The following DNAH2 variants were observed in gnomAD, a reference collection of about 807,000 sequenced individuals.
DNAH2 encodes axonemal beta dynein heavy chain 2.
A neutral mutation model predicts 523.5 loss-of-function variants in DNAH2; 323 were observed. The observed-to-expected ratio is 0.62, with a 90% confidence interval of 0.56 to 0.68. DNAH2 has a LOEUF of 0.68. Ranked by LOEUF, DNAH2 falls within the 30% of genes least tolerant of loss-of-function variation. The pLI is 0.00. For missense variants in DNAH2, 4,907 were observed against 5,701.5 expected, an observed-to-expected ratio of 0.86 and a Z score of 4.49; for synonymous variants, 2,093 against 2,177.4, an observed-to-expected ratio of 0.96 and a Z score of 1.08.
intron 49 of DNAH2, 144 bp downstream of exon 49, chr17:7,794,502 A>G (rs2077010832): frequency 3.1e-6 from 2 of 645,506 alleles, no homozygotes; most frequent in Middle Eastern, 2.6e-4. Context: ...CCGTAAGGGC[A>G]TGTGCTGGCT....
At position 7,833,133 on chromosome 17, in the gene DNAH2, C is replaced by T; in HGVS notation, c.13041C>T (p.Cys4347=). 1 of 1,612,304 alleles carries T rather than the reference C, an allele frequency of 6.2e-7. No individual in the cohort carries two copies. Among genetic ancestry groups the T allele is most frequent in the Non-Finnish European group, 8.5e-7 (1 of 1,180,028 alleles). Residue 4347 remains cysteine (C), a synonymous_variant, in exon 85 of 86, where the codon TGC becomes TGT. Transcript: ENST00000572933. Reference sequence around the variant, plus strand: ...CTGGCTGGGACCGGAAGAACTCCTGCTTGGTGGAGGCAGAGCCCATGCAGC... The same window carrying T: ...CTGGCTGGGACCGGAAGAACTCCTGTTTGGTGGAGGCAGAGCCCATGCAGC... ...EGAGWDRKNS[C]LVEAEPMQLV...
Position 7,821,728 on chromosome 17 carries a change from C to G in DNAH2, c.11142+359C>G, listed in dbSNP as rs1308722538. Among the ~76,000 whole-genome samples, 1 of 152,278 alleles carries G rather than the reference C, an allele frequency of 6.6e-6. No homozygotes were observed. The highest frequency in any genetic ancestry group is 2.4e-5 in the African/African-American group (1 of 41,540). ...GCTCCTCAACCCCAGCTTTTCTCCT[C>G]TCTCTGTCGCATCTACCGCTCTGGC... On this transcript the variant is annotated intron_variant, in intron 73 of 85. Transcript: ENST00000572933. This position sits in a 1 kb window ranked among gnomAD's most constrained non-coding sequence, Gnocchi z 5.0.
intron 42 of DNAH2, 152 bp downstream of exon 42, chr17:7,787,185 G>T: frequency 3.0e-6 from 3 of 988,408 alleles, no homozygotes; most frequent in Non-Finnish European, 4.4e-6. Context: ...GAAACCTGCA[G>T]CTGAAGAAAA....
chr17:7,726,307 A>ATTT (rs35883055), intron 3 of DNAH2, among the ~76,000 whole-genome samples: 1 of 143,250 alleles, frequency 7.0e-6, no homozygotes, highest in African/African-American at 2.6e-5. Flanking sequence ...TACCCAGCTA[A>ATTT]TTTTTTTTTT....
chr17:7,719,159 A>C (rs1597439426), intron 1 of DNAH2, among the ~76,000 whole-genome samples: 2 of 136,878 alleles, frequency 1.5e-5, no homozygotes, highest in Admixed American at 7.8e-5. Context: ...ATAGAGTCTC[A>C]CTCTGTCAGC....
Position 7,817,449 on chromosome 17 carries a change from C to T in DNAH2, c.10020+34C>T, listed in dbSNP as rs145535911. 5,121 of 1,613,470 alleles carry T rather than the reference C, an allele frequency of 3.2e-3. 15 individuals carry two copies. Among genetic ancestry groups the T allele is most frequent in the Non-Finnish European group, 4.0e-3 (4,742 of 1,179,898 alleles). On this transcript the variant is annotated intron_variant, in intron 65 of 85. Transcript: ENST00000572933. ...GGACTCAGGCATGACAAGTAGGCTC[C>T]GAGACCAGGGCTGGGGGCAGGACCT...
chr17:7,809,782 C>G (rs978957227), intron 63 of DNAH2, among the ~76,000 whole-genome samples: 1 of 150,630 alleles, frequency 6.6e-6, no homozygotes, highest in African/African-American at 2.4e-5. Context: ...AGACAGGGAA[C>G]AAACATTTCT....
At chr17:7,787,610 C>T in intron 42 of DNAH2, 1 of 416,290 alleles carries the variant, frequency 2.4e-6, no homozygotes, top group Non-Finnish European at 4.4e-6. Flanking sequence ...GTGTTGTGCA[C>T]CTGTAGTCCC....
chr17:7,741,288 T>TTC (rs1161921401), intron 11 of DNAH2, among the ~76,000 whole-genome samples: 17 of 60,434 alleles, frequency 2.8e-4, no homozygotes, highest in African/African-American at 1.3e-3. Flanking sequence ...CTTTCTTTCT[T>TTC]TCTTTCTTCC....
chr17:7,777,325 C>T, intron 32 of DNAH2, 121 bp from the exon 33 acceptor site: 1 of 1,058,308 alleles, frequency 9.4e-7, no homozygotes, highest in Non-Finnish European at 1.4e-6. Context: ...GCAGAATTAC[C>T]AGGAGTTACA....
At chr17:7,782,047 G>A (rs765734749) in intron 39 of DNAH2, among the ~76,000 whole-genome samples, 1 of 152,216 alleles carries the variant, frequency 6.6e-6, no homozygotes, top group Non-Finnish European at 1.5e-5. Flanking sequence ...AATTCCAGGA[G>A]TTGAGGAGGG....
chr17:7,779,154 G>A, intron 35 of DNAH2, 89 bp from the exon 36 acceptor site: 2 of 1,506,584 alleles, frequency 1.3e-6, no homozygotes, highest in South Asian at 2.5e-5. Context: ...CTCGCCTATT[G>A]AAACATTTGA....
chr17:7,751,590 T>A (rs1198375017), intron 12 of DNAH2, among the ~76,000 whole-genome samples: 1 of 152,142 alleles, frequency 6.6e-6, no homozygotes, highest in East Asian at 1.9e-4. Context: ...TCATTTAGAG[T>A]TGACCCAATC....
At position 7,798,273 on chromosome 17, in the gene DNAH2, A is replaced by G. The variant is rs1310892911; in HGVS notation, c.8347A>G (p.Thr2783Ala). 1 of 1,613,602 alleles carries G rather than the reference A, an allele frequency of 6.2e-7. No individual in the cohort carries two copies. Among genetic ancestry groups the G allele is most frequent in the Admixed American group, 1.7e-5 (1 of 59,996 alleles). Residue 2783 changes from threonine (T) to alanine (A), a missense_variant, in exon 54 of 86, where the codon ACC becomes GCC. This residue lies in a region of DNAH2 where 1,851 missense variants were observed against 2,139.4 expected (regional missense o/e 0.87). Transcript: ENST00000572933. This position sits in a 1 kb window ranked among gnomAD's most constrained non-coding sequence, Gnocchi z 5.5. ...GGCTTCATCCATCTGCGACTACACC[A>G]CCTTCCAGATCGAGGTCACCAAACA... ...RLASSICDYT[T>A]FQIEVTKHYR...
intron 4 of DNAH2, among the ~76,000 whole-genome samples, chr17:7,730,788 G>A (rs1011824635): frequency 6.6e-6 from 1 of 152,028 alleles, no homozygotes; most frequent in South Asian, 2.1e-4. Flanking sequence ...GTGACAGAGC[G>A]AGAGTCTGTC....
intron 44 of DNAH2, among the ~76,000 whole-genome samples, chr17:7,790,752 C>G (rs887062047): frequency 3.3e-5 from 5 of 151,232 alleles, no homozygotes; most frequent in African/African-American, 1.2e-4. Context: ...TGCTCTGTTA[C>G]CAAGGCTGGA....
intron 77 of DNAH2, among the ~76,000 whole-genome samples, chr17:7,825,317 T>G (rs375931242): frequency 6.6e-6 from 1 of 152,250 alleles, no homozygotes; most frequent in East Asian, 1.9e-4. Flanking sequence ...ACTATTTTAG[T>G]AGCTTTTCAT....
chr17:7,777,648 C>T lies in DNAH2; in HGVS notation c.5247+14C>T, dbSNP rs773131115. ...TACTGGGAGAAGGTGCCAGATGGGCCACCTCCCCACTCTCTTACCGTAAAA... is the reference window on the plus strand; with the variant it reads ...TACTGGGAGAAGGTGCCAGATGGGCTACCTCCCCACTCTCTTACCGTAAAA... On this transcript the variant is annotated intron_variant, in intron 33 of 85. Transcript: ENST00000572933. 4.3e-6 allele frequency: 7 copies of T among 1,613,384 alleles called. No homozygotes were observed. Among genetic ancestry groups the T allele is most frequent in the Non-Finnish European group, 5.9e-6 (7 of 1,179,556 alleles).
chr17:7,791,064 T>G, intron 44 of DNAH2, among the ~76,000 whole-genome samples: 1 of 151,768 alleles, frequency 6.6e-6, no homozygotes, highest in Non-Finnish European at 1.5e-5. Flanking sequence ...ATAGAAAATA[T>G]GTTTTTTGTT....
Sources: gnomAD v4.1 joint callset for allele counts (sites outside exome capture counted in the v4.1 genomes callset) on GRCh38, gnomAD v4.1.1 for gene constraint, gnomAD v4.1.1 regional missense constraint, Gnocchi (gnomAD v3.1) non-coding constraint, MANE v1.5 for transcripts, NCBI Gene and HGNC (gene_info 2026-07-23, HGNC 2026-07-21) for gene names.